Variants in MAF observed in about 807,000 individuals in gnomAD.
The protein encoded by MAF is MAF bZIP transcription factor, also known as transcription factor Maf.
MAF carries 10 observed loss-of-function variants against 22.0 expected under a neutral mutation model. The observed-to-expected ratio is 0.45, with a 90% CI of 0.28 to 0.77. The LOEUF is 0.77. Ranked by LOEUF, MAF falls within the 30% of genes least tolerant of loss-of-function variation. MAF has a pLI of 0.12. For missense variants in MAF, 544 were observed against 548.4 expected, an observed-to-expected ratio of 0.99 and a Z score of 0.08; for synonymous variants, 337 against 255.8, an observed-to-expected ratio of 1.32 and a Z score of -3.03.
chr16:79,420,513 A>G, the MAF span, among the ~76,000 whole-genome samples: 1 of 152,236 alleles, frequency 6.6e-6, no homozygotes, highest in Non-Finnish European at 1.5e-5. Flanking sequence ...AACAAAAAAT[A>G]GAGTGATTTT....
the MAF span, among the ~76,000 whole-genome samples, chr16:79,299,443 A>G: frequency 6.6e-6 from 1 of 152,164 alleles, no homozygotes; most frequent in Admixed American, 6.5e-5. Context: ...TTAAGATAAC[A>G]AAAGGTCCTA....
At chr16:79,531,160 G>A in the MAF span, among the ~76,000 whole-genome samples, 4 of 152,204 alleles carry the variant, frequency 2.6e-5, no homozygotes, top group African/African-American at 7.2e-5. Flanking sequence ...TGTTGCTAGA[G>A]CTTGTATAAG....
At chr16:79,465,287 G>A in the MAF span, among the ~76,000 whole-genome samples, 166 of 152,298 alleles carry the variant, frequency 1.1e-3, no homozygotes, top group African/African-American at 3.8e-3. Context: ...TGATGGCAGA[G>A]TAGGTCTTAA....
At chr16:79,451,119 T>A in the MAF span, among the ~76,000 whole-genome samples, 1 of 152,190 alleles carries the variant, frequency 6.6e-6, no homozygotes, top group Admixed American at 6.5e-5. Context: ...CTGAAAGGAA[T>A]AAGGCAACTT....
At chr16:79,431,812 G>T in the MAF span, among the ~76,000 whole-genome samples, 1 of 152,172 alleles carries the variant, frequency 6.6e-6, no homozygotes, top group Non-Finnish European at 1.5e-5. Flanking sequence ...GGGATCCTGA[G>T]AGGGAATCAC....
At chr16:79,368,531 A>G in the MAF span, among the ~76,000 whole-genome samples, 1 of 152,226 alleles carries the variant, frequency 6.6e-6, no homozygotes, top group African/African-American at 2.4e-5. Flanking sequence ...AGTATTTGTG[A>G]AGTGTCTACT....
the MAF span, among the ~76,000 whole-genome samples, chr16:79,426,359 A>G: frequency 6.6e-6 from 1 of 151,906 alleles, no homozygotes; most frequent in African/African-American, 2.4e-5. Context: ...TGGGTCAAAT[A>G]TAATCATGAA....
chr16:79,363,840 A>T, the MAF span, among the ~76,000 whole-genome samples: 1 of 152,158 alleles, frequency 6.6e-6, no homozygotes, highest in African/African-American at 2.4e-5. Context: ...GAAGGAACAA[A>T]TATCTGGAGG....
the MAF span, among the ~76,000 whole-genome samples, chr16:79,430,655 T>C: frequency 6.6e-6 from 1 of 152,174 alleles, no homozygotes; most frequent in East Asian, 1.9e-4. Flanking sequence ...AGAGGAAGCC[T>C]GGCAGGGGAG....
At chr16:79,415,142 C>A in the MAF span, among the ~76,000 whole-genome samples, 1 of 152,200 alleles carries the variant, frequency 6.6e-6, no homozygotes, top group East Asian at 1.9e-4. Context: ...TTGTCCTCAA[C>A]CACGGATGAG....
At chr16:79,324,738 A>C in the MAF span, among the ~76,000 whole-genome samples, 3 of 152,084 alleles carry the variant, frequency 2.0e-5, no homozygotes, top group African/African-American at 4.8e-5. Flanking sequence ...GTAATAATGA[A>C]GGAAAGGTGA....
the MAF span, among the ~76,000 whole-genome samples, chr16:79,563,319 A>G: frequency 6.6e-6 from 1 of 152,220 alleles, no homozygotes; most frequent in Non-Finnish European, 1.5e-5. Context: ...TGTCTCTAGA[A>G]CTAAATTATT....
At chr16:79,282,575 TC>T in the MAF span, among the ~76,000 whole-genome samples, 6 of 152,108 alleles carry the variant, frequency 3.9e-5, no homozygotes, top group African/African-American at 1.4e-4. Context: ...AGTCACCGCT[TC>T]CCCAAAGGCT....
the MAF span, among the ~76,000 whole-genome samples, chr16:79,385,303 A>T: frequency 6.6e-6 from 1 of 152,258 alleles, no homozygotes; most frequent in Non-Finnish European, 1.5e-5. Context: ...AGAGTTGCTC[A>T]TTGGATTACA....
At chr16:79,362,260 G>A in the MAF span, among the ~76,000 whole-genome samples, 4 of 152,202 alleles carry the variant, frequency 2.6e-5, no homozygotes, top group African/African-American at 4.8e-5. Flanking sequence ...CTTGTCTGTT[G>A]TTTGTGTTAG....
the MAF span, among the ~76,000 whole-genome samples, chr16:79,364,769 G>A: frequency 2.0e-5 from 3 of 152,128 alleles, no homozygotes; most frequent in Admixed American, 6.6e-5. Context: ...TATGCCTGTG[G>A]GATCTTCCCG....
the MAF span, among the ~76,000 whole-genome samples, chr16:79,530,619 A>G: frequency 6.6e-6 from 1 of 152,220 alleles, no homozygotes; most frequent in Admixed American, 6.5e-5. Flanking sequence ...ATACAACATA[A>G]ACACCAAAAT....
the MAF span, among the ~76,000 whole-genome samples, chr16:79,464,939 C>G: frequency 0.019 from 2,856 of 152,194 alleles, 105 homozygotes; most frequent in African/African-American, 0.065. Flanking sequence ...CAGAAATGAC[C>G]TCAAAAGAAT....
chr16:79,567,518 TA>T, the MAF span, among the ~76,000 whole-genome samples: 5 of 151,998 alleles, frequency 3.3e-5, no homozygotes, highest in African/African-American at 7.3e-5. Context: ...AAAAAGTAAG[TA>T]AAAAAAATGA....
Sources: gnomAD v4.1 joint callset for allele counts (sites outside exome capture counted in the v4.1 genomes callset) on GRCh38, gnomAD v4.1.1 for gene constraint, MANE v1.5 for transcripts, NCBI Gene and HGNC (gene_info 2026-07-23, HGNC 2026-07-21) for gene names.